APOBEC2: variants seen among roughly 807,000 people sequenced by gnomAD.
APOBEC2 encodes apolipoprotein B mRNA editing enzyme catalytic subunit 2, also known as C->U-editing enzyme APOBEC-2.
In APOBEC2, 14 loss-of-function variants were observed where a neutral mutation model predicts 19.4. That is an observed-to-expected ratio of 0.72 (90% CI 0.48 to 1.13). APOBEC2 has a LOEUF of 1.13. Ranked by LOEUF, APOBEC2 falls within the 50% of genes most tolerant of loss-of-function variation. The probability of loss-of-function intolerance (pLI) is 0.00; values close to 1 mark genes in which losing one functional copy is unlikely to be tolerated. For synonymous variants in APOBEC2, 127 were observed against 112.1 expected (o/e 1.13, Z -0.84); for missense variants, 304 against 277.0 (o/e 1.10, Z -0.69).
intron 1 of APOBEC2, among the ~76,000 whole-genome samples, chr6:41,058,425 A>T (rs567005683): frequency 0.028 from 4,073 of 147,048 alleles, 134 homozygotes; most frequent in African/African-American, 0.066. Context: ...ACACACACAC[A>T]CTCACACACA....
At position 41,053,202 on chromosome 6, in the gene APOBEC2, C is replaced by A. The variant is rs1231131092; in HGVS notation, c.-146C>A. On this transcript the variant is annotated 5_prime_UTR_variant, in exon 1 of 3. Transcript: ENST00000244669. ...AGCCTGTGGCTAAGTGGGGAAAGCA[C>A]GAAGCCTGGCCTGCTGGGTCCTTTT... The A allele has an allele frequency of 3.5e-6, 4 of 1,135,746 alleles. No individual in the cohort carries two copies. The South Asian group carries it at 4.8e-5, about 14-fold the overall frequency. The allele number at this position is 1,135,746 out of a possible 1,614,324, so 70.4% of individuals were successfully genotyped here. A position where few individuals can be genotyped will look rare whatever the true frequency, so the allele number is the denominator to read the frequency against.
rs200035145 is a variant in APOBEC2, at chr6:41,061,592, T to C, written c.396T>C (p.Ala132=). 1 of 1,614,248 alleles carries C rather than the reference T, an allele frequency of 6.2e-7. No individual in the cohort carries two copies. Among genetic ancestry groups the C allele is most frequent in the East Asian group, 2.2e-5 (1 of 44,888 alleles). ...YVSSSPCAAC[A]DRIIKTLSKT... ...CCTCCAGCCCCTGTGCAGCGTGTGCTGACCGCATTATCAAAACCCTTAGCA... is the reference window on the plus strand; with the variant it reads ...CCTCCAGCCCCTGTGCAGCGTGTGCCGACCGCATTATCAAAACCCTTAGCA... Residue 132 remains alanine (A), a synonymous_variant, in exon 2 of 3, where the codon GCT becomes GCC. Transcript: ENST00000244669.
At chr6:41,060,449 C>A (rs1762856571) in intron 1 of APOBEC2, among the ~76,000 whole-genome samples, 1 of 152,202 alleles carries the variant, frequency 6.6e-6, no homozygotes, top group Non-Finnish European at 1.5e-5. Context: ...CTTTACTGTA[C>A]CTATCCAATT....
rs1425890266 is a variant in APOBEC2, at chr6:41,053,457, C to T, written c.110C>T (p.Pro37Leu). 8.1e-6 allele frequency: 13 copies of T among 1,614,040 alleles called. No individual in the cohort carries two copies. Among genetic ancestry groups the T allele is most frequent in the Middle Eastern group, 1.6e-4 (1 of 6,080 alleles). ...AAGCTGAAAGAGCTGATTGAGCTGC[C>T]GCCCTTTGAGATTGTCACAGGGTAA... Reference protein sequence around the residue: ...PEKLKELIELPPFEIVTGERL... With the variant: ...PEKLKELIELLPFEIVTGERL... The change falls in exon 1 of 3, where the codon CCG becomes CTG. Residue 37 changes from proline to leucine, a missense_variant. Pro to Leu is a moderately conservative substitution (Grantham distance 98). Coordinates refer to ENST00000244669, the MANE Select transcript of APOBEC2 (RefSeq NM_006789.4).
chr6:41,057,566 G>A (rs922499786), intron 1 of APOBEC2, among the ~76,000 whole-genome samples: 6 of 152,086 alleles, frequency 3.9e-5, no homozygotes, highest in East Asian at 3.9e-4. Flanking sequence ...CTTGGTATCC[G>A]CTTTGAAAAG....
intron 1 of APOBEC2, among the ~76,000 whole-genome samples, chr6:41,054,284 A>G (rs139083334): frequency 6.6e-6 from 1 of 152,310 alleles, no homozygotes; most frequent in East Asian, 1.9e-4. Flanking sequence ...GTAGTGGAAG[A>G]CCCTTCTAAA....
In APOBEC2 at chr6:41,061,676, G is replaced by C; in HGVS notation, c.480G>C (p.Pro160=). The change falls in exon 2 of 3, where the codon CCG becomes CCC. Residue 160 remains proline (P), a synonymous_variant. Transcript: ENST00000244669. ...GTCGACTCTTCATGTGGGAGGAGCCGGAGATCCAGGCTGCTCTGAAGAAGC... is the reference window on the plus strand; with the variant it reads ...GTCGACTCTTCATGTGGGAGGAGCCCGAGATCCAGGCTGCTCTGAAGAAGC... ...LVGRLFMWEE[P]EIQAALKKLK... 1 of 1,614,210 alleles carries C rather than the reference G, an allele frequency of 6.2e-7. No homozygotes were observed. The highest frequency in any genetic ancestry group is 8.5e-7 in the Non-Finnish European group (1 of 1,180,028).
intron 1 of APOBEC2, among the ~76,000 whole-genome samples, chr6:41,054,898 G>A (rs139499659): frequency 2.0e-5 from 3 of 152,154 alleles, no homozygotes; most frequent in African/African-American, 7.2e-5. Context: ...ACAGAGGGAG[G>A]GTAGGTCAAG....
In APOBEC2 at chr6:41,064,533, T is replaced by G. The variant is rs890722502; in HGVS notation, c.*454T>G. 3 of 152,348 alleles carry G rather than the reference T, an allele frequency of 2.0e-5. No individual in the cohort carries two copies. Among genetic ancestry groups the G allele is most frequent in the Admixed American group, 2.0e-4 (3 of 15,306 alleles). 9.4% of individuals were successfully genotyped at this position (152,348 alleles called of 1,614,324 possible). A position where few individuals can be genotyped will look rare whatever the true frequency, so the allele number is the denominator to read the frequency against. On this transcript the variant is annotated 3_prime_UTR_variant, in exon 3 of 3. Transcript: ENST00000244669. The stretch of plus-strand genomic sequence containing the variant: ...TGTGTTTTTCCCGTGGCCAGATTTT[T>G]AAGAAACTTGAACATCTGGAAGTTG...
In APOBEC2 at chr6:41,061,502, TTTC is replaced by T; in HGVS notation, c.310_312del (p.Phe104del). 1 of 1,614,062 alleles carries T rather than the reference TTTC, an allele frequency of 6.2e-7. No homozygotes were observed. The highest frequency in any genetic ancestry group is 8.5e-7 in the Non-Finnish European group (1 of 1,179,930). ...ATGCGGCTGCCCATGCAGAGGAAGC[TTTC>T]TTCAACACCATCCTGCCAGCCTTCG... On this transcript the variant is annotated inframe_deletion, in exon 2 of 3. Coordinates refer to ENST00000244669, the MANE Select transcript of APOBEC2 (RefSeq NM_006789.4).
rs1304171405 is a variant in APOBEC2 at position 41,057,098 on chromosome 6, G to A, written c.131+3620G>A. ...AGAAAGCAGAACCTCCTATCCCAGG[G>A]ATTATTATGGAACAAAGATAAATGG... On this transcript the variant is annotated intron_variant, in intron 1 of 2. Transcript: ENST00000244669. Among the ~76,000 whole-genome samples, 3 of 152,160 alleles carry A rather than the reference G, an allele frequency of 2.0e-5. No individual in the cohort carries two copies. In the East Asian group the frequency reaches 5.8e-4, roughly 29 times the overall value.
chr6:41,060,467 T>A (rs1280532058), intron 1 of APOBEC2, among the ~76,000 whole-genome samples: 1 of 152,234 alleles, frequency 6.6e-6, no homozygotes, highest in Non-Finnish European at 1.5e-5. Flanking sequence ...ATTTTAGCAG[T>A]CTTATAATGT....
chr6:41,063,305 T>C lies in APOBEC2; in HGVS notation c.*22-796T>C, dbSNP rs550597500. 2.2e-4 allele frequency among the ~76,000 whole-genome samples: 34 copies of C among 152,306 alleles called. No individual in the cohort carries two copies. The South Asian group carries it at 3.9e-3, about 18-fold the overall frequency. ...TCACATAAAATAAGACACTTTATAG[T>C]GGTGAACAGTAGTCAAAACAGATTT... On this transcript the variant is annotated intron_variant, in intron 2 of 2. Coordinates refer to ENST00000244669, the MANE Select transcript of APOBEC2 (RefSeq NM_006789.4).
chr6:41,061,539 C>T lies in APOBEC2; in HGVS notation c.343C>T (p.Leu115=), dbSNP rs1762872952. ...NTILPAFDPA[L]RYNVTWYVSS... is the part of the protein sequence containing the mutation. ...CATCCTGCCAGCCTTCGACCCAGCC[C>T]TGCGGTACAATGTCACCTGGTATGT... Residue 115 remains leucine (L), a synonymous_variant, in exon 2 of 3, where the codon CTG becomes TTG. Transcript: ENST00000244669. The T allele has an allele frequency of 1.9e-6, 3 of 1,614,112 alleles. No individual in the cohort carries two copies. The highest frequency in any genetic ancestry group is 1.3e-5 in the African/African-American group (1 of 74,944).
rs1762926494 is a variant in APOBEC2 at position 41,064,297 on chromosome 6, G to C, written c.*218G>C. ...GACTCTCTCTCTAATGCTGCTCTCG[G>C]GAAGGACGAAAGTGACCTGCAAGGA... On this transcript the variant is annotated 3_prime_UTR_variant, in exon 3 of 3. Transcript: ENST00000244669. 6.6e-6 allele frequency: 1 copy of C among 152,430 alleles called. No homozygotes were observed. Among genetic ancestry groups the C allele is most frequent in the African/African-American group, 2.4e-5 (1 of 41,418 alleles). 9.4% of individuals were successfully genotyped at this position (152,430 alleles called of 1,614,324 possible).
chr6:41,060,466 G>C (rs899910005), intron 1 of APOBEC2, among the ~76,000 whole-genome samples: 5 of 152,132 alleles, frequency 3.3e-5, no homozygotes, highest in Admixed American at 6.5e-5. Context: ...AATTTTAGCA[G>C]TCTTATAATG....
chr6:41,056,335 G>T (rs1762794759), intron 1 of APOBEC2, among the ~76,000 whole-genome samples: 1 of 152,184 alleles, frequency 6.6e-6, no homozygotes, highest in Non-Finnish European at 1.5e-5. Context: ...TGCCCAGGCT[G>T]CTCTCAAACT....
chr6:41,061,306 CT>C lies in APOBEC2; in HGVS notation c.132-18del, dbSNP rs778148183. The C allele has an allele frequency of 1.8e-5, 28 of 1,514,910 alleles. No homozygotes were observed. In the African/African-American group the frequency reaches 3.6e-4, roughly 20 times the overall value. 93.8% of individuals were successfully genotyped at this position (1,514,910 alleles called of 1,614,324 possible). A position where few individuals can be genotyped will look rare whatever the true frequency, so the allele number is the denominator to read the frequency against. On this transcript the variant is annotated intron_variant, in intron 1 of 2. Transcript: ENST00000244669. ...CAAGAACTTATCATTCTTTCCTGTCCTTTTGTCTCCTTGACCTACAGAGAAC... is the reference window on the plus strand; with the variant it reads ...CAAGAACTTATCATTCTTTCCTGTCCTTTGTCTCCTTGACCTACAGAGAAC...
At chr6:41,062,012 C>G (rs747691962) in intron 2 of APOBEC2, 120 bp downstream of exon 2, 22 of 970,260 alleles carry the variant, frequency 2.3e-5, no homozygotes, top group African/African-American at 3.3e-5. Flanking sequence ...CATTTCTCTG[C>G]TTTTGACTGG....
Sources: gnomAD v4.1 joint callset for allele counts (sites outside exome capture counted in the v4.1 genomes callset) on GRCh38, gnomAD v4.1.1 for gene constraint, MANE v1.5 for transcripts, NCBI Gene and HGNC (gene_info 2026-07-23, HGNC 2026-07-21) for gene names.